The following PREP variants were observed in gnomAD, a reference collection of about 807,000 sequenced individuals.
PREP encodes the protein prolyl endopeptidase, also known as dJ355L5.1 (prolyl endopeptidase).
A neutral mutation model predicts 87.6 loss-of-function variants in PREP; 29 were observed. The observed-to-expected ratio is 0.33, with a 90% CI of 0.25 to 0.45. The LOEUF is 0.45. Among genes scored for constraint, PREP ranks in the 20% least tolerant of loss-of-function variants. The pLI, the probability that PREP is intolerant of heterozygous loss-of-function variation, is 1.00. For missense variants in PREP, 695 were observed against 886.5 expected (o/e 0.78, Z 2.74); for synonymous variants, 337 against 328.6 (o/e 1.03, Z -0.28).
At position 105,329,031 on chromosome 6, in the gene PREP, AAGGAT is replaced by A. The variant is rs1368095301; in HGVS notation, c.1016-10_1016-6del. ...ACCTGACACAAGCTATCCATTCTGA[AAGGAT>A]AAGAAGAGAAAAAACCTAATGCAAT... On this transcript the variant is annotated splice_polypyrimidine_tract_variant and splice_region_variant and intron_variant, in intron 8 of 14. Transcript: ENST00000652536. 6.2e-7 allele frequency: 1 copy of A among 1,610,252 alleles called. No individual in the cohort carries two copies. Among genetic ancestry groups the A allele is most frequent in the African/African-American group, 1.3e-5 (1 of 74,806 alleles).
chr6:105,378,488 A>C (rs1323955799), intron 2 of PREP, among the ~76,000 whole-genome samples: 1 of 152,196 alleles, frequency 6.6e-6, no homozygotes. Flanking sequence ...AAACACCTGA[A>C]ACAAGTGGCA....
At chr6:105,290,885 G>C (rs1770284658) in intron 10 of PREP, among the ~76,000 whole-genome samples, 1 of 152,152 alleles carries the variant, frequency 6.6e-6, no homozygotes, top group Admixed American at 6.5e-5. Flanking sequence ...ACTTAATTGT[G>C]GGCAAGAAAA....
chr6:105,308,305 G>C (rs554845820), intron 10 of PREP, among the ~76,000 whole-genome samples: 4 of 152,040 alleles, frequency 2.6e-5, no homozygotes, highest in Non-Finnish European at 5.9e-5. Context: ...ATACGGAATG[G>C]GTCAACTGAA....
At chr6:105,371,609 T>C (rs953779892) in intron 5 of PREP, among the ~76,000 whole-genome samples, 2 of 151,990 alleles carry the variant, frequency 1.3e-5, no homozygotes, top group South Asian at 2.1e-4. Flanking sequence ...GCTGAACTTC[T>C]TTTTTTCATT....
In PREP at chr6:105,384,856, TA is replaced by T. The variant is rs200546879; in HGVS notation, c.121-7338del. ...AATTATCAGAGAAAAGCAGATGACC[TA>T]AGAGAAAAAGACAGGTTCCCAAAAA... On this transcript the variant is annotated intron_variant, in intron 2 of 14. Coordinates refer to ENST00000652536, the MANE Select transcript of PREP (RefSeq NM_002726.5). 8.1e-3 allele frequency among the ~76,000 whole-genome samples: 1,228 copies of T among 152,244 alleles called. 11 individuals are homozygous for T. The highest frequency in any genetic ancestry group is 0.028 in the African/African-American group (1,175 of 41,544).
At chr6:105,316,119 A>G (rs754434118) in intron 10 of PREP, among the ~76,000 whole-genome samples, 4 of 152,338 alleles carry the variant, frequency 2.6e-5, no homozygotes, top group Non-Finnish European at 5.9e-5. Context: ...AGGCACCTAT[A>G]GCTTTTGGCT....
At chr6:105,339,329 GT>G (rs1392837182) in intron 7 of PREP, among the ~76,000 whole-genome samples, 2 of 152,196 alleles carry the variant, frequency 1.3e-5, no homozygotes, top group East Asian at 3.8e-4. Flanking sequence ...GGTCCTGACT[GT>G]TAGAAGGAAA....
Position 105,338,735 on chromosome 6 carries a change from A to G in PREP, c.824-5230T>C, listed in dbSNP as rs554684428. ...GTCTTAGCAAATGGCACACCAGGAG[A>G]TTATATCCCGCCCCTGGCTCGGAGG... On this transcript the variant is annotated intron_variant, in intron 7 of 14. Transcript: ENST00000652536. Among the ~76,000 whole-genome samples the G allele has an allele frequency of 2.0e-5, 3 of 152,284 alleles. No individual in the cohort carries two copies. In the South Asian group the frequency reaches 6.2e-4, roughly 32 times the overall value.
At chr6:105,291,547 A>C (rs1190041) in intron 10 of PREP, among the ~76,000 whole-genome samples, 25,122 of 152,086 alleles carry the variant, frequency 0.17, 2,163 homozygotes, top group South Asian at 0.22. Flanking sequence ...AAAAGGAGAG[A>C]CAGGCCTAGC....
At chr6:105,370,354 G>A (rs1305262077) in intron 5 of PREP, among the ~76,000 whole-genome samples, 2 of 150,116 alleles carry the variant, frequency 1.3e-5, no homozygotes, top group African/African-American at 4.9e-5. Flanking sequence ...CTGTAAGAAT[G>A]GCCAGAATTC....
intron 2 of PREP, among the ~76,000 whole-genome samples, chr6:105,392,579 TTTTG>T (rs1562228970): frequency 6.6e-6 from 1 of 152,150 alleles, no homozygotes; most frequent in African/African-American, 2.4e-5. Flanking sequence ...CAAATGTAGT[TTTTG>T]TTTGTTTTTT....
intron 7 of PREP, among the ~76,000 whole-genome samples, chr6:105,339,976 T>C (rs1485394602): frequency 9.2e-5 from 14 of 152,030 alleles, no homozygotes; most frequent in Admixed American, 8.5e-4. Context: ...CTGCAGGATA[T>C]TATCCAGGAG....
At chr6:105,281,641 A>G in intron 14 of PREP, 105 bp downstream of exon 14, 1 of 1,382,258 alleles carries the variant, frequency 7.2e-7, no homozygotes. Flanking sequence ...TTATATGCAA[A>G]TGCAAGACCC....
At chr6:105,294,374 A>G (rs934308610) in intron 10 of PREP, among the ~76,000 whole-genome samples, 25 of 152,320 alleles carry the variant, frequency 1.6e-4, no homozygotes, top group African/African-American at 5.3e-4. Context: ...AACTAAAACC[A>G]GAAGTTTTCC....
rs147668358 is a variant in PREP at position 105,386,285 on chromosome 6, T to C, written c.121-8766A>G. Among the ~76,000 whole-genome samples, 63 of 152,262 alleles carry C rather than the reference T, an allele frequency of 4.1e-4. No homozygotes were observed. In the East Asian group the frequency reaches 0.01, roughly 24 times the overall value. ...ATTGCTAAGGGTTCTCATTAGTTGC[T>C]AGAGGGAGCAGAGTAAAAAGAAAAG... On this transcript the variant is annotated intron_variant, in intron 2 of 14. Coordinates refer to ENST00000652536, the MANE Select transcript of PREP (RefSeq NM_002726.5).
At chr6:105,367,855 T>G (rs1772431195) in intron 6 of PREP, among the ~76,000 whole-genome samples, 1 of 152,128 alleles carries the variant, frequency 6.6e-6, no homozygotes, top group African/African-American at 2.4e-5. Context: ...CAGTTCTAAT[T>G]TGAAAGCAGG....
chr6:105,389,388 C>T (rs1160901296), intron 2 of PREP, among the ~76,000 whole-genome samples: 3 of 152,246 alleles, frequency 2.0e-5, no homozygotes, highest in Admixed American at 6.5e-5. Context: ...ACTTCTGGTA[C>T]CATCCAGCAA....
In PREP at chr6:105,403,000, G is replaced by A. The variant is rs1258019083; in HGVS notation, c.-109C>T. Reference sequence around the variant, plus strand: ...GCTGGGGCGCAGGCAGCTGCGGGGCGGCCGGCGGCAGCGGGCGGCCGGCTC... The same window carrying A: ...GCTGGGGCGCAGGCAGCTGCGGGGCAGCCGGCGGCAGCGGGCGGCCGGCTC... On this transcript the variant is annotated 5_prime_UTR_variant, in exon 1 of 15. Transcript: ENST00000652536. The A allele has an allele frequency of 6.7e-6, 3 of 447,036 alleles. No individual in the cohort carries two copies. The East Asian group carries it at 1.4e-4, about 20-fold the overall frequency. 27.7% of individuals were successfully genotyped at this position (447,036 alleles called of 1,614,324 possible).
chr6:105,378,957 T>G (rs576540973), intron 2 of PREP, among the ~76,000 whole-genome samples: 1 of 152,344 alleles, frequency 6.6e-6, no homozygotes, highest in Non-Finnish European at 1.5e-5. Context: ...AATCCCACTC[T>G]GCAGAACCAT....
Sources: allele counts gnomAD v4.1 joint callset (sites outside exome capture counted in the v4.1 genomes callset), GRCh38; gene constraint gnomAD v4.1.1; transcripts MANE v1.5; gene names NCBI Gene and HGNC (gene_info 2026-07-23, HGNC 2026-07-21).